PDE1C: variants seen among roughly 807,000 people sequenced by gnomAD.
PDE1C encodes the protein dual specificity calcium/calmodulin-dependent 3',5'-cyclic nucleotide phosphodiesterase 1C.
Under a neutral mutation model 93.1 loss-of-function variants are expected in PDE1C, and 62 were observed. The ratio of observed to expected loss-of-function variants is 0.67; its 90% confidence interval spans 0.54 to 0.82. PDE1C has a LOEUF of 0.82. PDE1C is among the 40% of genes least tolerant of loss of function. PDE1C has a pLI of 0.00. For missense variants in PDE1C, 742 were observed against 884.6 expected, an observed-to-expected ratio of 0.84 and a Z score of 2.04; for synonymous variants, 325 against 310.1, an observed-to-expected ratio of 1.05 and a Z score of -0.50.
At chr7:32,223,033 A>G (rs547519066) in intron 1 of PDE1C, among the ~76,000 whole-genome samples, 2 of 152,200 alleles carry the variant, frequency 1.3e-5, no homozygotes, top group Non-Finnish European at 2.9e-5. Flanking sequence ...CTCCCCTGAA[A>G]TTGACCCAAG....
intron 3 of PDE1C, among the ~76,000 whole-genome samples, chr7:32,125,123 T>C (rs1260190219): frequency 6.6e-6 from 1 of 152,032 alleles, no homozygotes; most frequent in Non-Finnish European, 1.5e-5. Context: ...AAAAGAGCTC[T>C]ACATTACTGA....
chr7:32,124,857 C>T (rs1584808146), intron 3 of PDE1C, among the ~76,000 whole-genome samples: 3 of 152,116 alleles, frequency 2.0e-5, no homozygotes, highest in African/African-American at 7.2e-5. Context: ...GCAACAAGAG[C>T]TAAAATTGAC....
intron 1 of PDE1C, among the ~76,000 whole-genome samples, chr7:32,052,938 T>C (rs1793585401): frequency 6.6e-6 from 1 of 152,098 alleles, no homozygotes; most frequent in African/African-American, 2.4e-5. Flanking sequence ...GTGAGCATTA[T>C]AACAGAAAAA....
chr7:32,229,604 C>A (rs1235596682), intron 1 of PDE1C, among the ~76,000 whole-genome samples: 1 of 152,196 alleles, frequency 6.6e-6, no homozygotes, highest in Non-Finnish European at 1.5e-5. Context: ...GGTGAACTGA[C>A]AGTGATAGAA....
At chr7:32,286,001 G>A (rs1240284590) in intron 1 of PDE1C, among the ~76,000 whole-genome samples, 3 of 152,202 alleles carry the variant, frequency 2.0e-5, no homozygotes, top group Non-Finnish European at 2.9e-5. Context: ...TTTCAAGGAT[G>A]AGAAAATTAT....
At chr7:32,242,489 G>A (rs908777713) in intron 1 of PDE1C, among the ~76,000 whole-genome samples, 19 of 152,162 alleles carry the variant, frequency 1.2e-4, no homozygotes, top group Admixed American at 2.6e-4. Context: ...TGAGGAAGTC[G>A]GTTAATGAAA....
In PDE1C at chr7:31,904,342, C is replaced by T. The variant is rs140312173; in HGVS notation, c.129-23482G>A. 2.4e-3 allele frequency among the ~76,000 whole-genome samples: 359 copies of T among 151,768 alleles called. 1 individual carries two copies. Among genetic ancestry groups the T allele is most frequent in the African/African-American group, 8.3e-3 (345 of 41,390 alleles). On this transcript the variant is annotated intron_variant, in intron 2 of 17. Coordinates refer to ENST00000396191, the MANE Select transcript of PDE1C (RefSeq NM_001191057.4). ...CACTGCTATTATAACACAAAATTTG[C>T]GAGCAAATCACCCAAAATAAAAAAA...
intron 2 of PDE1C, among the ~76,000 whole-genome samples, chr7:32,176,017 T>C (rs543436627): frequency 6.6e-6 from 1 of 152,230 alleles, no homozygotes; most frequent in Non-Finnish European, 1.5e-5. Context: ...TCCAAACTAG[T>C]TGTTACATCT....
chr7:31,776,343 G>T (rs895654565), intron 16 of PDE1C, among the ~76,000 whole-genome samples: 1 of 152,182 alleles, frequency 6.6e-6, no homozygotes, highest in Non-Finnish European at 1.5e-5. Context: ...TGTGTCCAGT[G>T]CTCAGGAACA....
chr7:32,371,024 A>G (rs750660082), intron 1 of PDE1C, among the ~76,000 whole-genome samples: 2 of 151,394 alleles, frequency 1.3e-5, no homozygotes, highest in Non-Finnish European at 2.9e-5. Flanking sequence ...AGTTGATCTC[A>G]AATCTACACC....
At chr7:32,019,142 T>C (rs1372287923) in intron 2 of PDE1C, among the ~76,000 whole-genome samples, 3 of 144,760 alleles carry the variant, frequency 2.1e-5, no homozygotes, top group African/African-American at 7.8e-5. Context: ...AGACACATTA[T>C]GTTGTTTTAA....
At chr7:32,304,107 C>T (rs530994855), upstream of PDE1C, among the ~76,000 whole-genome samples, 253 of 152,262 alleles carry the variant, frequency 1.7e-3, no homozygotes, top group African/African-American at 5.9e-3. Context: ...GCCTAGAGAC[C>T]TCCCTCCTCA....
At chr7:31,678,767 CT>C in the PDE1C span, among the ~76,000 whole-genome samples, 1 of 152,186 alleles carries the variant, frequency 6.6e-6, no homozygotes, top group Non-Finnish European at 1.5e-5. Context: ...TTCTCTATGA[CT>C]TCAAATCTTG....
intron 2 of PDE1C, among the ~76,000 whole-genome samples, chr7:31,930,957 A>T (rs996840850): frequency 6.6e-6 from 1 of 151,914 alleles, no homozygotes; most frequent in Non-Finnish European, 1.5e-5. Flanking sequence ...AACGTAATCC[A>T]TCACATAAAC....
intron 1 of PDE1C, among the ~76,000 whole-genome samples, chr7:32,373,304 T>A (rs1044797811): frequency 6.6e-6 from 1 of 152,254 alleles, no homozygotes; most frequent in Non-Finnish European, 1.5e-5. Flanking sequence ...TACTGACTGA[T>A]ACATGCTACA....
At chr7:32,164,066 G>T (rs1232244443) in intron 3 of PDE1C, among the ~76,000 whole-genome samples, 1 of 152,128 alleles carries the variant, frequency 6.6e-6, no homozygotes, top group Non-Finnish European at 1.5e-5. Flanking sequence ...CATACTTGTG[G>T]GATTCCAAAG....
intron 3 of PDE1C, among the ~76,000 whole-genome samples, chr7:32,132,313 G>A (rs1193373829): frequency 6.6e-6 from 1 of 152,104 alleles, no homozygotes; most frequent in East Asian, 1.9e-4. Context: ...TAAGCAAAAT[G>A]GGAAGCCATT....
intron 1 of PDE1C, among the ~76,000 whole-genome samples, chr7:32,272,998 G>A (rs990042421): frequency 3.9e-5 from 6 of 152,192 alleles, no homozygotes; most frequent in Non-Finnish European, 5.9e-5. Context: ...ATGATACGGG[G>A]TATGGAATAA....
intron 2 of PDE1C, among the ~76,000 whole-genome samples, chr7:31,957,721 T>C (rs1197889491): frequency 1.3e-5 from 2 of 152,160 alleles, no homozygotes; most frequent in African/African-American, 4.8e-5. Flanking sequence ...TTAGCAGAAA[T>C]GCATTTTCTC....
Sources: gnomAD v4.1 joint callset for allele counts (sites outside exome capture counted in the v4.1 genomes callset) on GRCh38, gnomAD v4.1.1 for gene constraint, MANE v1.5 for transcripts, NCBI Gene and HGNC (gene_info 2026-07-23, HGNC 2026-07-21) for gene names.